Variants in TRIM37 observed in about 807,000 individuals in gnomAD.
TRIM37 encodes tripartite motif containing 37.
In TRIM37, 80 loss-of-function variants were observed where a neutral mutation model predicts 129.8. That is an observed-to-expected ratio of 0.62 (90% confidence interval 0.51 to 0.74). The LOEUF is 0.74. TRIM37 is among the 30% of genes least tolerant of loss of function. The pLI is 0.00. For missense variants in TRIM37, 1,054 were observed against 1,176.5 expected, an observed-to-expected ratio of 0.90 and a Z score of 1.52; for synonymous variants, 389 against 387.1, an observed-to-expected ratio of 1.00 and a Z score of -0.06.
chr17:59,024,591 G>A lies in TRIM37; in HGVS notation c.2257+3824C>T, dbSNP rs562723996. ...TGCCCAGATTGGAGTGCAGTGGCAC[G>A]ATCACGGCTCACTGCACCTCAAATT... is the stretch of plus-strand genomic sequence containing the variant. On this transcript the variant is annotated intron_variant, in intron 19 of 23. Transcript: ENST00000262294. 4.6e-5 allele frequency among the ~76,000 whole-genome samples: 7 copies of A among 152,234 alleles called. No homozygotes were observed. The South Asian group carries it at 1.2e-3, about 27-fold the overall frequency.
At chr17:59,011,110 A>G (rs112687532) in intron 22 of TRIM37, among the ~76,000 whole-genome samples, 6 of 151,888 alleles carry the variant, frequency 4.0e-5, no homozygotes, top group African/African-American at 1.5e-4. Context: ...TGGAGGCTGC[A>G]GTGAGCCAAG....
intron 2 of TRIM37, among the ~76,000 whole-genome samples, chr17:59,092,411 A>C (rs989997699): frequency 2.6e-5 from 4 of 151,754 alleles, no homozygotes; most frequent in Non-Finnish European, 4.4e-5. Context: ...AAAAAAAAAA[A>C]CAAAAAAAAC....
intron 13 of TRIM37, among the ~76,000 whole-genome samples, chr17:59,054,293 T>C (rs1254003959): frequency 2.0e-5 from 3 of 152,112 alleles, no homozygotes; most frequent in African/African-American, 7.2e-5. Flanking sequence ...CCCAAAAACC[T>C]TTTTTTGTTT....
intron 3 of TRIM37, among the ~76,000 whole-genome samples, chr17:59,089,201 C>T (rs1256736462): frequency 6.6e-6 from 1 of 152,174 alleles, no homozygotes; most frequent in Admixed American, 6.6e-5. Flanking sequence ...CTGCAGTGAG[C>T]CAAGATCATG....
At chr17:59,056,840 C>A in intron 13 of TRIM37, 35 bp downstream of exon 13, 1 of 1,507,710 alleles carries the variant, frequency 6.6e-7, no homozygotes, top group Non-Finnish European at 9.0e-7. Flanking sequence ...TATTTCCCCA[C>A]AATAAAAACC....
intron 17 of TRIM37, among the ~76,000 whole-genome samples, chr17:59,037,557 C>CAAAAAAAAAAAAA (rs58856834): frequency 2.7e-5 from 2 of 73,996 alleles, no homozygotes; most frequent in Non-Finnish European, 5.2e-5. Context: ...GACTCTGTCT[C>CAAAAAAAAAAAAA]AAAAAAAAAA....
At chr17:59,050,116 A>C (rs1465326888) in intron 14 of TRIM37, among the ~76,000 whole-genome samples, 2 of 152,220 alleles carry the variant, frequency 1.3e-5, no homozygotes, top group Non-Finnish European at 2.9e-5. Context: ...TAAAATAAAA[A>C]TTCATCAATT....
chr17:58,991,274 G>C (rs2032376898), intron 24 of TRIM37, among the ~76,000 whole-genome samples: 2 of 151,822 alleles, frequency 1.3e-5, no homozygotes, highest in African/African-American at 4.8e-5. Context: ...GGTGGCTCAT[G>C]CCTGTAATCC....
chr17:59,039,841 T>C (rs971044739), intron 17 of TRIM37, among the ~76,000 whole-genome samples: 2 of 152,202 alleles, frequency 1.3e-5, no homozygotes, highest in Admixed American at 1.3e-4. Flanking sequence ...ATAATAAATA[T>C]AATCCTTAAA....
intron 19 of TRIM37, 52 bp downstream of exon 19, chr17:59,028,363 C>T: frequency 6.4e-7 from 1 of 1,550,822 alleles, no homozygotes; most frequent in Non-Finnish European, 8.8e-7. Flanking sequence ...AACCAGTCAT[C>T]TAGTTTCCCA....
intron 17 of TRIM37, among the ~76,000 whole-genome samples, chr17:59,034,701 G>A (rs530682540): frequency 8.4e-4 from 128 of 152,110 alleles, no homozygotes; most frequent in Non-Finnish European, 1.5e-3. Context: ...TTCCCCACAG[G>A]CATCAAAGAC....
At chr17:58,971,192 T>C in the TRIM37 span, among the ~76,000 whole-genome samples, 1 of 152,042 alleles carries the variant, frequency 6.6e-6, no homozygotes, top group Non-Finnish European at 1.5e-5. Context: ...TGCACTGAAG[T>C]GTGTTTATCA....
chr17:59,102,468 GGTAA>G (rs2045601752), intron 2 of TRIM37, among the ~76,000 whole-genome samples: 1 of 152,040 alleles, frequency 6.6e-6, no homozygotes, highest in Admixed American at 6.6e-5. Flanking sequence ...TTAAAACATG[GGTAA>G]GTGTTAATGT....
chr17:59,082,883 T>A (rs2043420065), intron 5 of TRIM37, among the ~76,000 whole-genome samples: 1 of 152,214 alleles, frequency 6.6e-6, no homozygotes, highest in Admixed American at 6.5e-5. Context: ...ATGTGAGAAC[T>A]TAATTTTTTC....
intron 2 of TRIM37, among the ~76,000 whole-genome samples, chr17:59,098,324 G>A (rs1188896863): frequency 6.6e-6 from 1 of 152,164 alleles, no homozygotes; most frequent in Admixed American, 6.6e-5. Context: ...GCACAACAAT[G>A]TGAATGTACT....
At chr17:59,098,908 G>A (rs903952799) in intron 2 of TRIM37, among the ~76,000 whole-genome samples, 1 of 152,114 alleles carries the variant, frequency 6.6e-6, no homozygotes, top group African/African-American at 2.4e-5. Flanking sequence ...AATAGGCTAG[G>A]CGCGGTGGCT....
rs575584472 is a variant in TRIM37, at chr17:59,002,292, T to C, written c.2696-578A>G. Among the ~76,000 whole-genome samples, 40 of 152,196 alleles carry C rather than the reference T, an allele frequency of 2.6e-4. No individual in the cohort carries two copies. In the South Asian group the frequency reaches 7.9e-3, roughly 30 times the overall value. On this transcript the variant is annotated intron_variant, in intron 22 of 23. Coordinates refer to ENST00000262294, the MANE Select transcript of TRIM37 (RefSeq NM_015294.6). ...TCTGTCACCCTAGGCTGGGCTGCAG[T>C]GGCCTGATCATAGCTCACTGCAGCC... is the stretch of plus-strand genomic sequence containing the variant.
rs62084383 is a variant in TRIM37, at chr17:59,047,346, G to A, written c.1667+337C>T. Among the ~76,000 whole-genome samples, 932 of 152,136 alleles carry A rather than the reference G, an allele frequency of 6.1e-3. 4 individuals are homozygous for A. The highest frequency in any genetic ancestry group is 0.011 in the Non-Finnish European group (718 of 67,998). ...TAAGAATATCCTTGTTTTTAGAAAA[G>A]TACACAATGAGAAGTATATTCGATC... On this transcript the variant is annotated intron_variant, in intron 16 of 23. Transcript: ENST00000262294.
At chr17:58,995,100 G>A (rs34718875), downstream of TRIM37, among the ~76,000 whole-genome samples, 58,355 of 151,488 alleles carry the variant, frequency 0.39, 11,378 homozygotes, top group Middle Eastern at 0.5. Context: ...GCAGGCTGAA[G>A]TGCAGTAGCA....
Sources: gnomAD v4.1 joint callset for allele counts (sites outside exome capture counted in the v4.1 genomes callset) on GRCh38, gnomAD v4.1.1 for gene constraint, MANE v1.5 for transcripts, NCBI Gene and HGNC (gene_info 2026-07-23, HGNC 2026-07-21) for gene names.